The following TTC23L variants were observed in gnomAD, a reference collection of about 807,000 sequenced individuals.
TTC23L encodes the protein tetratricopeptide repeat protein 23-like.
Under a neutral mutation model 48.1 loss-of-function variants are expected in TTC23L, and 42 were observed. That is an observed-to-expected ratio of 0.87 (90% CI 0.68 to 1.13). TTC23L has a LOEUF of 1.13. Ranked by LOEUF, TTC23L falls within the 50% of genes most tolerant of loss-of-function variation. TTC23L has a pLI of 0.00. For missense variants in TTC23L, 391 were observed against 421.0 expected, an observed-to-expected ratio of 0.93 and a Z score of 0.62; for synonymous variants, 159 against 157.2, an observed-to-expected ratio of 1.01 and a Z score of -0.09.
At position 34,863,460 on chromosome 5, in the gene TTC23L, C is replaced by T. The variant is rs1328441124; in HGVS notation, c.536+406C>T. 6.6e-6 allele frequency among the ~76,000 whole-genome samples: 1 copy of T among 152,168 alleles called. No homozygotes were observed. Among genetic ancestry groups the T allele is most frequent in the African/African-American group, 2.4e-5 (1 of 41,508 alleles). On this transcript the variant is annotated intron_variant, in intron 5 of 10. Coordinates refer to ENST00000505624, the Ensembl canonical transcript of TTC23L. The surrounding 1 kb of genome is among the most constrained non-coding windows in gnomAD (Gnocchi z 4.1). ...CAAACTAGGCTGCACATTGTAATCCCCTGGGGAGCTTTAAGAATTTCTGCT... is the reference window on the plus strand; with the variant it reads ...CAAACTAGGCTGCACATTGTAATCCTCTGGGGAGCTTTAAGAATTTCTGCT...
Position 34,867,020 on chromosome 5 carries a change from T to C in TTC23L, c.791T>C (p.Ile264Thr), listed in dbSNP as rs747954382. 6.5e-5 allele frequency: 105 copies of C among 1,612,094 alleles called. No individual in the cohort carries two copies. The highest frequency in any genetic ancestry group is 8.6e-5 in the Non-Finnish European group (101 of 1,179,230). Residue 264 changes from isoleucine (I) to threonine (T), a missense_variant, in exon 7 of 11, where the codon ATA becomes ACA. By Grantham distance (89) the Ile-to-Thr change is moderately conservative (BLOSUM62 -1). Coordinates refer to ENST00000505624, the Ensembl canonical transcript of TTC23L. ...AGCCTGTACGAGGAAGCTGCTCAGA[T>C]AGAGCAGCTGAGGAGGAACCACAAC...
At position 34,880,526 on chromosome 5, in the gene TTC23L, TTTAG is replaced by T. The variant is rs1762157218; in HGVS notation, c.1077+221_1077+224del. On this transcript the variant is annotated intron_variant, in intron 9 of 10. Transcript: ENST00000505624. ...AACTGAGCAACTCTGTCCGACAAGA[TTTAG>T]TTTGTACTTGGAAACTGCAGAGTAG... 36 of 527,192 alleles carry T rather than the reference TTTAG, an allele frequency of 6.8e-5. No individual in the cohort carries two copies. In the South Asian group the frequency reaches 8.0e-4, roughly 12 times the overall value. 32.7% of individuals were successfully genotyped at this position (527,192 alleles called of 1,614,324 possible). A position where few individuals can be genotyped will look rare whatever the true frequency, so the allele number is the denominator to read the frequency against.
At chr5:34,890,860 C>T (rs903215330) in intron 9 of TTC23L, among the ~76,000 whole-genome samples, 1 of 152,086 alleles carries the variant, frequency 6.6e-6, no homozygotes, top group Non-Finnish European at 1.5e-5. Flanking sequence ...CTTCTGCCTC[C>T]CAAGTAGCTG....
chr5:34,903,044 T>G (rs1052966955), downstream of TTC23L, among the ~76,000 whole-genome samples: 5 of 152,024 alleles, frequency 3.3e-5, no homozygotes, highest in African/African-American at 1.2e-4. Flanking sequence ...ATGTTACTAT[T>G]TTGCAATCCT....
exon 3 of TTC23L, chr5:34,845,607 G>A: frequency 6.2e-7 from 1 of 1,613,980 alleles, no homozygotes; most frequent in Non-Finnish European, 8.5e-7. Context: ...TAGACTGTAT[G>A]TCTCATCCCA....
the TTC23L span, among the ~76,000 whole-genome samples, chr5:34,917,503 A>G: frequency 1.3e-5 from 2 of 151,580 alleles, no homozygotes; most frequent in Non-Finnish European, 2.9e-5. Context: ...AGCCAGGTGC[A>G]GTGGCGGGCA....
At chr5:34,890,829 C>A (rs995885382) in intron 9 of TTC23L, among the ~76,000 whole-genome samples, 4 of 152,086 alleles carry the variant, frequency 2.6e-5, no homozygotes, top group Admixed American at 2.6e-4. Context: ...CTGGTCCAAA[C>A]TTCTGTGGCC....
chr5:34,868,519 T>G (rs991470516), intron 7 of TTC23L: 21 of 166,234 alleles, frequency 1.3e-4, no homozygotes, highest in Admixed American at 6.2e-4. Flanking sequence ...CAACAACTTT[T>G]TATAACAAAT....
chr5:34,841,414 A>G (rs1758661688), intron 2 of TTC23L, among the ~76,000 whole-genome samples: 1 of 152,212 alleles, frequency 6.6e-6, no homozygotes. Flanking sequence ...GGTACATTTT[A>G]TAGATGAGTA....
At chr5:34,892,453 T>C (rs1426486051) in intron 9 of TTC23L, among the ~76,000 whole-genome samples, 1 of 152,206 alleles carries the variant, frequency 6.6e-6, no homozygotes, top group Non-Finnish European at 1.5e-5. Context: ...TTTACCTAAA[T>C]GTAAAATGTA....
the TTC23L span, chr5:34,908,905 G>A: frequency 1.2e-6 from 2 of 1,610,742 alleles, no homozygotes; most frequent in Non-Finnish European, 1.7e-6. Flanking sequence ...TTACAAGATA[G>A]GACTAATGCC....
chr5:34,901,770 AAAAC>A (rs1763517516), downstream of TTC23L, among the ~76,000 whole-genome samples: 1 of 152,052 alleles, frequency 6.6e-6, no homozygotes, highest in South Asian at 2.1e-4. Context: ...CTCAAAAACA[AAAAC>A]AAAACAACAA....
At chr5:34,855,803 A>C (rs922123991) in intron 4 of TTC23L, among the ~76,000 whole-genome samples, 3 of 152,212 alleles carry the variant, frequency 2.0e-5, no homozygotes, top group African/African-American at 7.2e-5. Context: ...AGAGGGAGTA[A>C]GAAATGAGAA....
the TTC23L span, chr5:34,905,116 A>C: frequency 6.6e-6 from 1 of 152,236 alleles, no homozygotes; most frequent in East Asian, 1.9e-4. Context: ...TCCACTCCTG[A>C]GAGGGAAATT....
At chr5:34,843,654 G>C (rs1758877223) in intron 2 of TTC23L, among the ~76,000 whole-genome samples, 1 of 152,166 alleles carries the variant, frequency 6.6e-6, no homozygotes, top group Non-Finnish European at 1.5e-5. Context: ...ATTTGCTATT[G>C]AGATATGATC....
chr5:34,843,551 G>A (rs1758868063), intron 2 of TTC23L, among the ~76,000 whole-genome samples: 1 of 152,136 alleles, frequency 6.6e-6, no homozygotes, highest in Non-Finnish European at 1.5e-5. Flanking sequence ...AATATTTCGG[G>A]CTTATAATTT....
At chr5:34,922,960 G>T in the TTC23L span, 1 of 1,355,036 alleles carries the variant, frequency 7.4e-7, no homozygotes, top group Non-Finnish European at 1.0e-6. Context: ...TTTAAACAAG[G>T]CAGTCTACTG....
chr5:34,845,411 G>C, intron 2 of TTC23L, 76 bp from the exon 3 acceptor site: 1 of 1,457,372 alleles, frequency 6.9e-7, no homozygotes, highest in Non-Finnish European at 9.3e-7. Flanking sequence ...AGTTGGGAGA[G>C]CTATGCCCTT....
At position 34,880,284 on chromosome 5, in the gene TTC23L, G is replaced by A; in HGVS notation, c.1053G>A (p.Trp351Ter). The A allele has an allele frequency of 6.2e-7, 1 of 1,612,036 alleles. No homozygotes were observed. The highest frequency in any genetic ancestry group is 8.5e-7 in the Non-Finnish European group (1 of 1,179,426). Residue 351 changes from tryptophan (W) to a stop codon, truncating the protein, a stop_gained, in exon 9 of 11, where the codon TGG (tryptophan) becomes TGA (stop). Transcript: ENST00000505624. LOFTEE classifies it high-confidence loss of function. ...GCACCACTGAAGAATTTTGCAAATG[G>A]CTTGTCCAAAATGGAGAAAAACAGG... is the stretch of plus-strand genomic sequence containing the variant.
Sources: gnomAD v4.1 joint callset for allele counts (sites outside exome capture counted in the v4.1 genomes callset) on GRCh38, gnomAD v4.1.1 for gene constraint, Gnocchi (gnomAD v3.1) non-coding constraint, MANE v1.5 for transcripts, NCBI Gene and HGNC (gene_info 2026-07-23, HGNC 2026-07-21) for gene names.